Variants in LRRTM3 observed in about 807,000 individuals in gnomAD.
LRRTM3 encodes leucine-rich repeat transmembrane neuronal protein 3.
Under a neutral mutation model 44.7 loss-of-function variants are expected in LRRTM3, and 24 were observed. The ratio of observed to expected loss-of-function variants is 0.54; its 90% CI spans 0.39 to 0.76. The LOEUF is 0.76. Among genes scored for constraint, LRRTM3 ranks in the 30% least tolerant of loss-of-function variants. The pLI is 0.00. For synonymous variants in LRRTM3, 277 were observed against 278.7 expected, an observed-to-expected ratio of 0.99 and a Z score of 0.06; for missense variants, 587 against 702.2, an observed-to-expected ratio of 0.84 and a Z score of 1.85.
chr10:66,964,573 G>A (rs1422485603), intron 2 of LRRTM3, among the ~76,000 whole-genome samples: 1 of 152,114 alleles, frequency 6.6e-6, no homozygotes, highest in African/African-American at 2.4e-5. Context: ...GGGCTCTTGG[G>A]CACTTTCATC....
chr10:67,090,586 T>G (rs952102632), intron 2 of LRRTM3, among the ~76,000 whole-genome samples: 8 of 152,232 alleles, frequency 5.3e-5, no homozygotes, highest in Non-Finnish European at 1.2e-4. Flanking sequence ...ACAAATTATT[T>G]AAACTATCTA....
At chr10:66,945,872 G>A (rs1380663277) in intron 2 of LRRTM3, among the ~76,000 whole-genome samples, 1 of 152,170 alleles carries the variant, frequency 6.6e-6, no homozygotes, top group Non-Finnish European at 1.5e-5. Flanking sequence ...TGGCTGGTCA[G>A]TGAAGCGGTC....
In LRRTM3 at chr10:67,097,776, C is replaced by G; in HGVS notation, c.1726C>G (p.His576Asp). The G allele has an allele frequency of 6.2e-7, 1 of 1,612,274 alleles. No homozygotes were observed. Among genetic ancestry groups the G allele is most frequent in the South Asian group, 1.1e-5 (1 of 91,050 alleles). ...CACAACAGCTGGCCGAATCAGTGAC[C>G]ATAAACAGCAGCTAGCTTAACTGAG... is the stretch of plus-strand genomic sequence containing the variant. ...TITTAGRISDHKQQLA is the reference protein window; with the variant it reads ...TITTAGRISDDKQQLA Residue 576 changes from histidine to aspartate, a missense_variant, in exon 3 of 3, where the codon CAT (histidine) becomes GAT (aspartate). His to Asp is a moderately conservative substitution (Grantham distance 81). This residue lies in a region of LRRTM3 where 315 missense variants were observed against 335.6 expected (regional missense o/e 0.94). Transcript: ENST00000361320.
In LRRTM3 at chr10:67,100,856, T is replaced by C. The variant is rs1353688118; in HGVS notation, c.*3060T>C. Among the ~76,000 whole-genome samples, 1 of 151,736 alleles carries C rather than the reference T, an allele frequency of 6.6e-6. No homozygotes were observed. Among genetic ancestry groups the C allele is most frequent in the African/African-American group, 2.4e-5 (1 of 41,388 alleles). On this transcript the variant is annotated 3_prime_UTR_variant, in exon 3 of 3. Transcript: ENST00000361320. ...GGGCCAATAATTGGTGCAGTTGAATTATTCTCAAAATTTACAGGCTGTTAG... is the reference window on the plus strand; with the variant it reads ...GGGCCAATAATTGGTGCAGTTGAATCATTCTCAAAATTTACAGGCTGTTAG...
At chr10:66,966,511 A>G (rs933167262) in intron 2 of LRRTM3, among the ~76,000 whole-genome samples, 1 of 150,876 alleles carries the variant, frequency 6.6e-6, no homozygotes, top group African/African-American at 2.4e-5. Context: ...TATACCTTTC[A>G]GATTATTCAA....
At chr10:67,002,003 C>T (rs562642541) in intron 2 of LRRTM3, among the ~76,000 whole-genome samples, 13 of 152,182 alleles carry the variant, frequency 8.5e-5, no homozygotes, top group South Asian at 4.1e-4. Context: ...TCTTAGAGTC[C>T]GAAGACCTAG....
intron 2 of LRRTM3, among the ~76,000 whole-genome samples, chr10:66,943,374 C>A (rs1209854270): frequency 6.6e-6 from 1 of 152,040 alleles, no homozygotes; most frequent in Non-Finnish European, 1.5e-5. Flanking sequence ...AGAGAAATTA[C>A]TCTTAAATTA....
At chr10:67,031,997 G>A (rs894623147) in intron 2 of LRRTM3, among the ~76,000 whole-genome samples, 2 of 152,040 alleles carry the variant, frequency 1.3e-5, no homozygotes, top group East Asian at 1.9e-4. Context: ...ACAAAAACAC[G>A]GTGTATATAA....
At chr10:66,944,110 G>C (rs1848160308) in intron 2 of LRRTM3, among the ~76,000 whole-genome samples, 1 of 152,160 alleles carries the variant, frequency 6.6e-6, no homozygotes, top group Non-Finnish European at 1.5e-5. Flanking sequence ...ATAGCATATG[G>C]TGTTGATTGA....
chr10:66,998,839 G>A (rs545053707), intron 2 of LRRTM3, among the ~76,000 whole-genome samples: 2 of 152,138 alleles, frequency 1.3e-5, no homozygotes, highest in East Asian at 1.9e-4. Context: ...TACAAATAAT[G>A]CAACTAAGAA....
rs766137465 is a variant in LRRTM3 at position 67,057,720 on chromosome 10, TACC to T, written c.1537-39855_1537-39853del. 2.0e-5 allele frequency among the ~76,000 whole-genome samples: 3 copies of T among 152,124 alleles called. No individual in the cohort carries two copies. The East Asian group carries it at 5.8e-4, about 29-fold the overall frequency. Reference sequence around the variant, plus strand: ...CTCAGCCCTGTCCTGATCACCATTTTACCACCACCACCACGATGAGCTTCTTCT... The same window carrying T: ...CTCAGCCCTGTCCTGATCACCATTTTACCACCACCACGATGAGCTTCTTCT... On this transcript the variant is annotated intron_variant, in intron 2 of 2. Transcript: ENST00000361320.
intron 2 of LRRTM3, among the ~76,000 whole-genome samples, chr10:66,931,743 A>G (rs1447572328): frequency 6.6e-6 from 1 of 152,170 alleles, no homozygotes; most frequent in Non-Finnish European, 1.5e-5. Flanking sequence ...TGACTTTTAT[A>G]GTAATGCTGG....
intron 2 of LRRTM3, among the ~76,000 whole-genome samples, chr10:67,022,935 C>T (rs528943363): frequency 2.9e-4 from 44 of 151,850 alleles, no homozygotes; most frequent in African/African-American, 1.1e-3. Context: ...AAGACTGTGT[C>T]TCAAAAAATA....
At chr10:67,028,988 C>T (rs766891390) in intron 2 of LRRTM3, among the ~76,000 whole-genome samples, 1 of 152,154 alleles carries the variant, frequency 6.6e-6, no homozygotes, top group Non-Finnish European at 1.5e-5. Context: ...GCAATCATAT[C>T]GCAACTCCCC....
rs1349598576 is a variant in LRRTM3, at chr10:67,099,103, T to G, written c.*1307T>G. 1 of 151,808 alleles carries G rather than the reference T, an allele frequency of 6.6e-6. No homozygotes were observed. The highest frequency in any genetic ancestry group is 1.5e-5 in the Non-Finnish European group (1 of 67,848). 9.4% of individuals were successfully genotyped at this position (151,808 alleles called of 1,614,324 possible). ...AAATTGTTTATATTGCTATCCATAA[T>G]GGGATTCACCTCCAAATTATCAAAG... On this transcript the variant is annotated 3_prime_UTR_variant, in exon 3 of 3. Coordinates refer to ENST00000361320, the MANE Select transcript of LRRTM3 (RefSeq NM_178011.5).
chr10:67,049,167 C>G (rs548912494), intron 2 of LRRTM3, among the ~76,000 whole-genome samples: 1 of 151,860 alleles, frequency 6.6e-6, no homozygotes, highest in African/African-American at 2.4e-5. Context: ...GAGACAGCAT[C>G]ATTTAGAGGA....
intron 2 of LRRTM3, among the ~76,000 whole-genome samples, chr10:67,040,108 T>C (rs141110701): frequency 6.6e-6 from 1 of 152,128 alleles, no homozygotes; most frequent in Non-Finnish European, 1.5e-5. Flanking sequence ...TAGCAGTATT[T>C]GCTATGACAA....
At chr10:67,047,150 T>C (rs1407536654) in intron 2 of LRRTM3, among the ~76,000 whole-genome samples, 1 of 152,180 alleles carries the variant, frequency 6.6e-6, no homozygotes, top group Non-Finnish European at 1.5e-5. Flanking sequence ...TCCCAATATA[T>C]AGAATCTCTA....
chr10:67,060,391 T>C (rs1019499224), intron 2 of LRRTM3, among the ~76,000 whole-genome samples: 2 of 152,244 alleles, frequency 1.3e-5, no homozygotes, highest in African/African-American at 4.8e-5. Context: ...CAAGCGTATA[T>C]GAAAGTATGT....
Sources: allele counts gnomAD v4.1 joint callset (sites outside exome capture counted in the v4.1 genomes callset), GRCh38; gene constraint gnomAD v4.1.1; regional missense constraint gnomAD v4.1.1; transcripts MANE v1.5; gene names NCBI Gene and HGNC (gene_info 2026-07-23, HGNC 2026-07-21).